The following NRXN3 variants were observed in gnomAD, a reference collection of about 807,000 sequenced individuals.
NRXN3 encodes the protein neurexin 3, also known as neurexin III.
NRXN3 carries 32 observed loss-of-function variants against 137.6 expected under a neutral mutation model. The observed-to-expected ratio is 0.23, with a 90% CI of 0.18 to 0.31. The LOEUF (loss-of-function observed/expected upper bound fraction) is 0.31. Ranked by LOEUF, NRXN3 falls within the 10% of genes least tolerant of loss-of-function variation. NRXN3 has a pLI of 1.00. For missense variants in NRXN3, 1,574 were observed against 2,062.5 expected (o/e 0.76, Z 4.59); for synonymous variants, 798 against 784.5 (o/e 1.02, Z -0.29).
chr14:78,426,089 C>T (rs953795961), intron 4 of NRXN3, among the ~76,000 whole-genome samples: 2 of 152,200 alleles, frequency 1.3e-5, no homozygotes, highest in Admixed American at 1.3e-4. Flanking sequence ...GCACAGGGGC[C>T]TGTCTGCTTC....
chr14:78,696,231 A>G (rs2098224734), intron 6 of NRXN3, among the ~76,000 whole-genome samples: 2 of 152,160 alleles, frequency 1.3e-5, no homozygotes, highest in Non-Finnish European at 2.9e-5. Flanking sequence ...CTAAGCCTAT[A>G]GGCTCTGAAG....
chr14:78,478,906 A>T (rs2095424539), intron 4 of NRXN3, among the ~76,000 whole-genome samples: 1 of 152,152 alleles, frequency 6.6e-6, no homozygotes, highest in East Asian at 1.9e-4. Flanking sequence ...TGCAAGTTAG[A>T]TGTGTCTCTT....
rs575803002 is a variant in NRXN3 at position 79,564,308 on chromosome 14, G to A, written c.3444+96906G>A. Reference sequence around the variant, plus strand: ...GCATTGAGAGAAAGTGGTTTGGGTCGCAGACACCATCCCTCAAATAGCTGA... The same window carrying A: ...GCATTGAGAGAAAGTGGTTTGGGTCACAGACACCATCCCTCAAATAGCTGA... On this transcript the variant is annotated intron_variant, in intron 16 of 20. Coordinates refer to ENST00000335750, the MANE Select transcript of NRXN3 (RefSeq NM_001330195.2). Among the ~76,000 whole-genome samples, 58 of 152,084 alleles carry A rather than the reference G, an allele frequency of 3.8e-4. No homozygotes were observed. The South Asian group carries it at 5.2e-3, about 14-fold the overall frequency.
chr14:79,335,252 G>A (rs1301423604), intron 15 of NRXN3, among the ~76,000 whole-genome samples: 1 of 152,068 alleles, frequency 6.6e-6, no homozygotes, highest in African/African-American at 2.4e-5. Context: ...GGCATGGTGG[G>A]ATGTGTGTAT....
chr14:79,813,410 G>A (rs1033659598), intron 20 of NRXN3, among the ~76,000 whole-genome samples: 34 of 151,986 alleles, frequency 2.2e-4, no homozygotes, highest in African/African-American at 5.8e-4. Flanking sequence ...ATCTTGTGCC[G>A]CATGAATTTT....
intron 15 of NRXN3, among the ~76,000 whole-genome samples, chr14:79,422,699 T>C (rs2095597043): frequency 7.2e-6 from 1 of 139,724 alleles, no homozygotes; most frequent in Non-Finnish European, 1.6e-5. Flanking sequence ...TCCACATTCT[T>C]TTTTTTTTTT....
At chr14:79,190,216 AT>A (rs199716191) in intron 15 of NRXN3, among the ~76,000 whole-genome samples, 57 of 150,872 alleles carry the variant, frequency 3.8e-4, no homozygotes, top group African/African-American at 1.2e-3. Flanking sequence ...CCTTACGGAA[AT>A]TTTTTTTTTA....
At chr14:79,424,848 C>T (rs2095631097) in intron 15 of NRXN3, among the ~76,000 whole-genome samples, 1 of 152,130 alleles carries the variant, frequency 6.6e-6, no homozygotes, top group African/African-American at 2.4e-5. Flanking sequence ...GAAATATAGG[C>T]AATTGACAGA....
intron 4 of NRXN3, among the ~76,000 whole-genome samples, chr14:78,356,880 C>T (rs2084384869): frequency 6.6e-6 from 1 of 152,116 alleles, no homozygotes; most frequent in Admixed American, 6.5e-5. Context: ...GGAAGAGACA[C>T]TCACTTGGAT....
At chr14:78,513,929 A>G (rs2096157972) in intron 4 of NRXN3, among the ~76,000 whole-genome samples, 1 of 152,120 alleles carries the variant, frequency 6.6e-6, no homozygotes, top group Admixed American at 6.6e-5. Context: ...AACATTGCTT[A>G]CTGGTCTTTC....
chr14:79,133,365 C>A (rs944849872), intron 15 of NRXN3, among the ~76,000 whole-genome samples: 7 of 151,990 alleles, frequency 4.6e-5, no homozygotes, highest in East Asian at 3.9e-4. Context: ...TAAGGCCAGA[C>A]CAGACTGACT....
chr14:79,504,273 G>A (rs2096851842), intron 16 of NRXN3, among the ~76,000 whole-genome samples: 2 of 152,078 alleles, frequency 1.3e-5, no homozygotes. Context: ...TTTTGAGACA[G>A]ATTGTTATTC....
chr14:79,677,191 G>A (rs975519189), intron 17 of NRXN3, among the ~76,000 whole-genome samples: 3 of 151,760 alleles, frequency 2.0e-5, no homozygotes, highest in African/African-American at 4.8e-5. Flanking sequence ...ATATTAGTAC[G>A]ATGACTCTTT....
chr14:79,490,165 A>C (rs2096702551), intron 16 of NRXN3, among the ~76,000 whole-genome samples: 1 of 152,196 alleles, frequency 6.6e-6, no homozygotes, highest in South Asian at 2.1e-4. Context: ...AGGCAATAAC[A>C]AATGCTGGTG....
At chr14:79,404,722 A>C (rs933277918) in intron 15 of NRXN3, among the ~76,000 whole-genome samples, 1 of 152,234 alleles carries the variant, frequency 6.6e-6, no homozygotes, top group Non-Finnish European at 1.5e-5. Flanking sequence ...GGGTGGCGAC[A>C]GAACAAGGCT....
At chr14:78,328,444 G>A (rs537209668) in intron 4 of NRXN3, among the ~76,000 whole-genome samples, 1 of 152,224 alleles carries the variant, frequency 6.6e-6, no homozygotes, top group South Asian at 2.1e-4. Flanking sequence ...TCAACTATTT[G>A]ACGCAATAGA....
chr14:78,919,868 C>T (rs2099266321), intron 10 of NRXN3, among the ~76,000 whole-genome samples: 1 of 152,046 alleles, frequency 6.6e-6, no homozygotes, highest in Admixed American at 6.6e-5. Context: ...TTTTATTAAG[C>T]ACTTATTATA....
At chr14:79,073,095 C>T (rs1281857752) in intron 15 of NRXN3, among the ~76,000 whole-genome samples, 1 of 152,076 alleles carries the variant, frequency 6.6e-6, no homozygotes, top group African/African-American at 2.4e-5. Flanking sequence ...CCATCTTGAC[C>T]AGGCTGGTCT....
chr14:78,825,210 AAAAAAAAG>A (rs1444025438), intron 10 of NRXN3, among the ~76,000 whole-genome samples: 3 of 151,310 alleles, frequency 2.0e-5, no homozygotes, highest in African/African-American at 7.3e-5. Flanking sequence ...AAAAAAAAAA[AAAAAAAAG>A]AAAAAGAAAA....
Sources: gnomAD v4.1 joint callset for allele counts (sites outside exome capture counted in the v4.1 genomes callset) on GRCh38, gnomAD v4.1.1 for gene constraint, MANE v1.5 for transcripts, NCBI Gene and HGNC (gene_info 2026-07-23, HGNC 2026-07-21) for gene names.